The following FOXP2 variants were observed in gnomAD, a reference collection of about 807,000 sequenced individuals.
FOXP2 encodes the protein forkhead box P2, also known as forkhead box protein P2.
In FOXP2, 12 loss-of-function variants were observed where a neutral mutation model predicts 115.8. The ratio of observed to expected loss-of-function variants is 0.10; its 90% CI spans 0.07 to 0.17. The LOEUF (loss-of-function observed/expected upper bound fraction) is 0.17, where lower values mean the gene tolerates loss of function less well. Among genes scored for constraint, FOXP2 ranks in the 10% least tolerant of loss-of-function variants. The pLI is 1.00. For synonymous variants in FOXP2, 328 were observed against 297.7 expected, an observed-to-expected ratio of 1.10 and a Z score of -1.05; for missense variants, 629 against 843.5, an observed-to-expected ratio of 0.75 and a Z score of 3.15.
At chr7:114,350,967 C>T (rs978406488) in intron 2 of FOXP2, among the ~76,000 whole-genome samples, 1 of 152,094 alleles carries the variant, frequency 6.6e-6, no homozygotes, top group African/African-American at 2.4e-5. Flanking sequence ...CTCTAGACTA[C>T]TTAGAGTGCC....
At chr7:114,170,724 T>G (rs1418991549) in intron 1 of FOXP2, among the ~76,000 whole-genome samples, 4 of 152,140 alleles carry the variant, frequency 2.6e-5, no homozygotes, top group Non-Finnish European at 5.9e-5. Flanking sequence ...CTCTCTTCAA[T>G]TTGGTAAAGG....
upstream of FOXP2, among the ~76,000 whole-genome samples, chr7:114,158,474 T>G (rs2129149959): frequency 6.6e-6 from 1 of 152,198 alleles, no homozygotes; most frequent in South Asian, 2.1e-4. Context: ...AAATTCCGAT[T>G]TGGCAAGACT....
chr7:114,627,013 A>G (rs1343697420), intron 3 of FOXP2, among the ~76,000 whole-genome samples: 1 of 151,918 alleles, frequency 6.6e-6, no homozygotes, highest in African/African-American at 2.4e-5. Context: ...AATTTGATCT[A>G]ATTAATCTGA....
chr7:114,331,596 G>A (rs1358241145), intron 2 of FOXP2, among the ~76,000 whole-genome samples: 1 of 151,942 alleles, frequency 6.6e-6, no homozygotes, highest in Non-Finnish European at 1.5e-5. Context: ...AATTTTCTCC[G>A]AGGAATAACA....
At chr7:114,166,441 C>T (rs1029254762) in intron 1 of FOXP2, among the ~76,000 whole-genome samples, 5 of 152,216 alleles carry the variant, frequency 3.3e-5, no homozygotes, top group African/African-American at 9.6e-5. Flanking sequence ...TGGTGGCTCA[C>T]GCCTGTAATC....
chr7:114,153,555 G>T (rs973131107), intron 1 of FOXP2, among the ~76,000 whole-genome samples: 1 of 152,028 alleles, frequency 6.6e-6, no homozygotes. Flanking sequence ...AGCATTGGGG[G>T]GAATTAAAAA....
intron 1 of FOXP2, among the ~76,000 whole-genome samples, chr7:114,146,118 C>T (rs1331150011): frequency 6.6e-6 from 1 of 152,096 alleles, no homozygotes; most frequent in South Asian, 2.1e-4. Context: ...ATTCAGAAAC[C>T]AACTCAGCCC....
intron 2 of FOXP2, among the ~76,000 whole-genome samples, chr7:114,344,901 A>G (rs1440758967): frequency 6.6e-6 from 1 of 151,794 alleles, no homozygotes; most frequent in Non-Finnish European, 1.5e-5. Context: ...TAAAGCTCAC[A>G]TGCTGTGCAT....
rs542911445 is a variant in FOXP2 at position 114,596,071 on chromosome 7, G to A, written c.259-32469G>A. 3.9e-5 allele frequency among the ~76,000 whole-genome samples: 6 copies of A among 152,052 alleles called. 1 individual carries two copies. The South Asian group carries it at 1.2e-3, about 32-fold the overall frequency. On this transcript the variant is annotated intron_variant, in intron 3 of 16. Coordinates refer to ENST00000350908, the MANE Select transcript of FOXP2 (RefSeq NM_014491.4). ...CTGAACAGGTCACGCTGAGTCTCAG[G>A]TAGAGGCAGTCATCTCATTATCAAA...
intron 2 of FOXP2, among the ~76,000 whole-genome samples, chr7:114,382,644 T>C (rs1792335734): frequency 6.6e-6 from 1 of 152,050 alleles, no homozygotes; most frequent in African/African-American, 2.4e-5. Flanking sequence ...TCCTGATCTC[T>C]ATTATAAAAA....
At chr7:114,414,286 G>A (rs1793245876), upstream of FOXP2, 1 of 152,108 alleles carries the variant, frequency 6.6e-6, no homozygotes, top group African/African-American at 2.4e-5. Flanking sequence ...CATCTGCTGT[G>A]TACAGACTTG....
At chr7:114,582,119 A>AG (rs1483889584) in intron 3 of FOXP2, among the ~76,000 whole-genome samples, 1 of 152,186 alleles carries the variant, frequency 6.6e-6, no homozygotes, top group Non-Finnish European at 1.5e-5. Context: ...AAAATGCAAG[A>AG]GGGAAAACAA....
intron 1 of FOXP2, among the ~76,000 whole-genome samples, chr7:114,261,296 G>A (rs192397854): frequency 2.1e-4 from 32 of 152,152 alleles, no homozygotes; most frequent in Admixed American, 8.5e-4. Flanking sequence ...TAGCAAAGTC[G>A]CTATGCTAAC....
At chr7:114,639,179 T>C (rs1211463605) in intron 6 of FOXP2, among the ~76,000 whole-genome samples, 1 of 152,178 alleles carries the variant, frequency 6.6e-6, no homozygotes, top group Non-Finnish European at 1.5e-5. Flanking sequence ...AAAATGTTGT[T>C]AGCCACTCAA....
chr7:114,604,234 T>C (rs1215527454), intron 3 of FOXP2, among the ~76,000 whole-genome samples: 6 of 152,096 alleles, frequency 3.9e-5, no homozygotes, highest in Admixed American at 3.9e-4. Context: ...TGGAGAACTC[T>C]ATGGAGCCTT....
chr7:114,647,321 A>G (rs778433016), intron 8 of FOXP2, among the ~76,000 whole-genome samples: 2 of 151,528 alleles, frequency 1.3e-5, no homozygotes, highest in African/African-American at 2.4e-5. Flanking sequence ...ATGAAAAGCC[A>G]TTATAGGACA....
At chr7:114,175,891 CTT>C (rs1410784181) in intron 1 of FOXP2, among the ~76,000 whole-genome samples, 1 of 152,132 alleles carries the variant, frequency 6.6e-6, no homozygotes, top group Non-Finnish European at 1.5e-5. Flanking sequence ...CATATTCAAA[CTT>C]GACATATTAA....
chr7:114,623,876 C>T (rs1006848401), intron 3 of FOXP2, among the ~76,000 whole-genome samples: 3 of 151,822 alleles, frequency 2.0e-5, no homozygotes, highest in Non-Finnish European at 4.4e-5. Flanking sequence ...CACTATTTCC[C>T]TGCTGCTAAA....
chr7:114,357,810 G>C (rs1398975737), intron 2 of FOXP2, among the ~76,000 whole-genome samples: 1 of 151,978 alleles, frequency 6.6e-6, no homozygotes, highest in Non-Finnish European at 1.5e-5. Context: ...GCAGCAGTGT[G>C]GTTTGTAGAA....
Sources: allele counts gnomAD v4.1 joint callset (sites outside exome capture counted in the v4.1 genomes callset), GRCh38; gene constraint gnomAD v4.1.1; transcripts MANE v1.5; gene names NCBI Gene and HGNC (gene_info 2026-07-23, HGNC 2026-07-21).